The following TGM4 variants were observed in gnomAD, a reference collection of about 807,000 sequenced individuals.
TGM4 encodes transglutaminase 4, also known as protein-glutamine gamma-glutamyltransferase 4.
Under a neutral mutation model 76.3 loss-of-function variants are expected in TGM4, and 61 were observed. That is an observed-to-expected ratio of 0.80 (90% CI 0.65 to 0.99). TGM4 has a LOEUF of 0.99. Among genes scored for constraint, TGM4 ranks in the 50% least tolerant of loss-of-function variants. TGM4 has a pLI of 0.00. For synonymous variants in TGM4, 337 were observed against 329.8 expected (o/e 1.02, Z -0.24); for missense variants, 794 against 843.2 (o/e 0.94, Z 0.72).
chr3:44,913,219 G>C (rs1395801340), intron 13 of TGM4, among the ~76,000 whole-genome samples: 1 of 152,196 alleles, frequency 6.6e-6, no homozygotes, highest in Non-Finnish European at 1.5e-5. Context: ...CCAATTCCTT[G>C]CATGTGGATT....
chr3:44,907,234 C>T, intron 10 of TGM4, 34 bp downstream of exon 10: 1 of 1,605,390 alleles, frequency 6.2e-7, no homozygotes, highest in Non-Finnish European at 8.5e-7. Flanking sequence ...CTGACTCAGC[C>T]CCTGAGTCAC....
Position 44,911,038 on chromosome 3 carries a change from G to A in TGM4, c.1687G>A (p.Gly563Ser). 1 of 1,614,160 alleles carries A rather than the reference G, an allele frequency of 6.2e-7. No individual in the cohort carries two copies. The highest frequency in any genetic ancestry group is 8.5e-7 in the Non-Finnish European group (1 of 1,180,024). ...AILDDEPVIRGFIIAEIVESK... is the reference protein window; with the variant it reads ...AILDDEPVIRSFIIAEIVESK... Reference sequence around the variant, plus strand: ...ATTAGATGATGAGCCAGTTATCAGAGGTTTCATCATTGCGGAAATTGTGGA... The same window carrying A: ...ATTAGATGATGAGCCAGTTATCAGAAGTTTCATCATTGCGGAAATTGTGGA... The change falls in exon 12 of 14, where the codon GGT becomes AGT. Residue 563 changes from glycine to serine, a missense_variant. Physicochemically the swap from Gly to Ser is moderately conservative, Grantham distance 56. Transcript: ENST00000296125.
At position 44,907,174 on chromosome 3, in the gene TGM4, T is replaced by C. The variant is rs1200425984; in HGVS notation, c.1301T>C (p.Ile434Thr). 1.9e-6 allele frequency: 3 copies of C among 1,613,850 alleles called. No individual in the cohort carries two copies. The highest frequency in any genetic ancestry group is 1.6e-4 in the Middle Eastern group (1 of 6,062). ...KAVGQDRRRD[I>T]TYEYKYPEGS... ...GTGGGCCAAGACAGGCGGAGAGATA[T>C]CACCTATGAGTACAAGTATCCAGAA... The change falls in exon 10 of 14, where the codon ATC becomes ACC. Residue 434 changes from isoleucine (I) to threonine (T), a missense_variant. By Grantham distance (89) the Ile-to-Thr change is moderately conservative. Coordinates refer to ENST00000296125, the MANE Select transcript of TGM4 (RefSeq NM_003241.4).
At chr3:44,909,421 A>G (rs1699970153) in intron 10 of TGM4, among the ~76,000 whole-genome samples, 1 of 152,304 alleles carries the variant, frequency 6.6e-6, no homozygotes, top group African/African-American at 2.4e-5. Context: ...AGGAAACTGC[A>G]GTTGTAAACA....
chr3:44,894,838 C>A (rs1451388116), intron 5 of TGM4, among the ~76,000 whole-genome samples: 1 of 152,058 alleles, frequency 6.6e-6, no homozygotes, highest in Non-Finnish European at 1.5e-5. Flanking sequence ...GCCCTCTCCA[C>A]CCTCACTCAT....
rs765907098 is a variant in TGM4 at position 44,896,611 on chromosome 3, G to A, written c.550-98G>A. On this transcript the variant is annotated intron_variant, in intron 5 of 13. Coordinates refer to ENST00000296125, the MANE Select transcript of TGM4 (RefSeq NM_003241.4). Reference sequence around the variant, plus strand: ...ACTGTAGGCAGGGGAGATGGGTTACGCTACAGGGTGGCTGTGACATGCAAA... The same window carrying A: ...ACTGTAGGCAGGGGAGATGGGTTACACTACAGGGTGGCTGTGACATGCAAA... The A allele has an allele frequency of 3.5e-4, 387 of 1,091,834 alleles. 1 individual carries two copies. Among genetic ancestry groups the A allele is most frequent in the Non-Finnish European group, 4.8e-4 (345 of 722,616 alleles). 67.6% of individuals were successfully genotyped at this position (1,091,834 alleles called of 1,614,324 possible).
intron 5 of TGM4, among the ~76,000 whole-genome samples, chr3:44,894,781 C>T (rs1048614975): frequency 2.0e-5 from 3 of 152,076 alleles, no homozygotes; most frequent in Non-Finnish European, 4.4e-5. Context: ...GAAGGACTCC[C>T]AGCTGGCGAG....
chr3:44,874,892 A>G (rs527376096), intron 1 of TGM4, among the ~76,000 whole-genome samples, 195 bp downstream of exon 1: 140 of 152,376 alleles, frequency 9.2e-4, no homozygotes, highest in African/African-American at 3.1e-3. Flanking sequence ...TTTCAGATTT[A>G]CAAAAAGATT....
At chr3:44,898,090 G>A (rs1361745935) in intron 6 of TGM4, among the ~76,000 whole-genome samples, 2 of 152,078 alleles carry the variant, frequency 1.3e-5, no homozygotes, top group East Asian at 1.9e-4. Context: ...GACCATCCTG[G>A]CTAACATGGT....
chr3:44,907,138 G>A lies in TGM4; in HGVS notation c.1265G>A (p.Ser422Asn). The A allele has an allele frequency of 1.2e-6, 2 of 1,614,060 alleles. No individual in the cohort carries two copies. The highest frequency in any genetic ancestry group is 2.2e-5 in the South Asian group (2 of 91,074). The change falls in exon 10 of 14, where the codon AGC becomes AAC. Residue 422 changes from serine to asparagine, a missense_variant. By Grantham distance (46) the Ser-to-Asn change is conservative. Coordinates refer to ENST00000296125, the MANE Select transcript of TGM4 (RefSeq NM_003241.4). ...METTSIGKNI[S>N]TKAVGQDRRR... Reference sequence around the variant, plus strand: ...ACCACAAGCATCGGGAAAAACATCAGCACCAAGGCAGTGGGCCAAGACAGG... The same window carrying A: ...ACCACAAGCATCGGGAAAAACATCAACACCAAGGCAGTGGGCCAAGACAGG...
chr3:44,900,028 G>A (rs761705645), intron 6 of TGM4, among the ~76,000 whole-genome samples: 4 of 152,344 alleles, frequency 2.6e-5, no homozygotes, highest in African/African-American at 7.2e-5. Flanking sequence ...GGACCATCTC[G>A]GTGACTGCCT....
chr3:44,901,958 C>T (rs999120776), intron 8 of TGM4, 27 bp downstream of exon 8: 4 of 1,602,998 alleles, frequency 2.5e-6, no homozygotes, highest in Non-Finnish European at 3.4e-6. Context: ...TCAACCTGCC[C>T]TGTCTCCTTC....
At chr3:44,885,596 G>A in intron 2 of TGM4, 98 bp downstream of exon 2, 1 of 1,317,158 alleles carries the variant, frequency 7.6e-7, no homozygotes, top group Non-Finnish European at 1.0e-6. Context: ...AGCCAGGAGT[G>A]CCTTACCCTC....
At chr3:44,878,487 T>C (rs1028406679) in intron 1 of TGM4, among the ~76,000 whole-genome samples, 16 of 140,656 alleles carry the variant, frequency 1.1e-4, no homozygotes, top group African/African-American at 4.1e-4. Context: ...TTATTATTAT[T>C]ATTATTATTA....
chr3:44,910,005 A>AG, intron 10 of TGM4, 85 bp from the exon 11 acceptor site: 1 of 1,503,820 alleles, frequency 6.6e-7, no homozygotes, highest in Non-Finnish European at 9.0e-7. Context: ...GGCCAGGCAG[A>AG]TGGTCTCCTT....
At chr3:44,897,544 G>A (rs1559616003) in intron 6 of TGM4, among the ~76,000 whole-genome samples, 1 of 152,182 alleles carries the variant, frequency 6.6e-6, no homozygotes. Context: ...TCAGTCTTGG[G>A]CAAACAGGAT....
At position 44,893,492 on chromosome 3, in the gene TGM4, C is replaced by T. The variant is rs554923878; in HGVS notation, c.431-85C>T. 1.1e-4 allele frequency: 129 copies of T among 1,183,340 alleles called. No individual in the cohort carries two copies. In the Admixed American group the frequency reaches 2.2e-3, roughly 20 times the overall value. The allele number at this position is 1,183,340 out of a possible 1,614,324, so 73.3% of individuals were successfully genotyped here. A position where few individuals can be genotyped will look rare whatever the true frequency, so the allele number is the denominator to read the frequency against. Reference sequence around the variant, plus strand: ...GCCCCTCACAAAGACCTTGAATCTCCCCCAGCACAGACAGTCCCCATTGGC... The same window carrying T: ...GCCCCTCACAAAGACCTTGAATCTCTCCCAGCACAGACAGTCCCCATTGGC... On this transcript the variant is annotated intron_variant, in intron 4 of 13. Coordinates refer to ENST00000296125, the MANE Select transcript of TGM4 (RefSeq NM_003241.4).
intron 1 of TGM4, among the ~76,000 whole-genome samples, chr3:44,878,433 C>T (rs898700323): frequency 2.1e-5 from 3 of 146,284 alleles, no homozygotes; most frequent in African/African-American, 7.5e-5. Context: ...TTGTAATGGG[C>T]ATTTATTACT....
At chr3:44,905,222 G>A (rs933885184) in intron 9 of TGM4, among the ~76,000 whole-genome samples, 2 of 151,984 alleles carry the variant, frequency 1.3e-5, no homozygotes, top group Non-Finnish European at 2.9e-5. Flanking sequence ...CTGACCTCAG[G>A]TGATCTGCTT....
Sources: allele counts gnomAD v4.1 joint callset (sites outside exome capture counted in the v4.1 genomes callset), GRCh38; gene constraint gnomAD v4.1.1; transcripts MANE v1.5; gene names NCBI Gene and HGNC (gene_info 2026-07-23, HGNC 2026-07-21).